Variants in GRAMD2B observed in about 807,000 individuals in gnomAD.
GRAMD2B encodes GRAM domain containing 2B.
Under a neutral mutation model 59.2 loss-of-function variants are expected in GRAMD2B, and 41 were observed. The observed-to-expected ratio is 0.69, with a 90% CI of 0.54 to 0.90. GRAMD2B has a LOEUF of 0.90. Ranked by LOEUF, GRAMD2B falls within the 40% of genes least tolerant of loss-of-function variation. The pLI, the probability that GRAMD2B is intolerant of heterozygous loss-of-function variation, is 0.00. For missense variants in GRAMD2B, 424 were observed against 500.5 expected (o/e 0.85, Z 1.46); for synonymous variants, 161 against 182.7 (o/e 0.88, Z 0.96).
At chr5:126,465,397 A>G (rs1214729051) in intron 1 of GRAMD2B, 29 bp from the exon 2 acceptor site, 1 of 1,613,568 alleles carries the variant, frequency 6.2e-7, no homozygotes. Flanking sequence ...CTGAATGTCT[A>G]AAGTGAAGCG....
At chr5:126,430,629 GA>G (rs1761403463) in intron 1 of GRAMD2B, among the ~76,000 whole-genome samples, 1 of 152,036 alleles carries the variant, frequency 6.6e-6, no homozygotes, top group Non-Finnish European at 1.5e-5. Flanking sequence ...TTGATTTAAA[GA>G]CAATTAGATT....
intron 1 of GRAMD2B, among the ~76,000 whole-genome samples, chr5:126,461,175 C>T (rs4836265): frequency 0.92 from 140,308 of 152,186 alleles, 65,332 homozygotes; most frequent in East Asian, 1. Context: ...ACTTATTTAC[C>T]TGGACTTGCA....
At chr5:126,361,164 T>G (rs895165954) in intron 1 of GRAMD2B, among the ~76,000 whole-genome samples, 93 of 152,346 alleles carry the variant, frequency 6.1e-4, no homozygotes, top group African/African-American at 2.1e-3. Flanking sequence ...AATAATCCTA[T>G]CTTCAAAGAA....
At chr5:126,363,196 T>C (rs1260782676) in intron 1 of GRAMD2B, among the ~76,000 whole-genome samples, 2 of 152,082 alleles carry the variant, frequency 1.3e-5, no homozygotes, top group Non-Finnish European at 2.9e-5. Context: ...AATACACAAA[T>C]GGCCAATAAG....
chr5:126,450,652 T>TAAAA (rs10544199), intron 1 of GRAMD2B, among the ~76,000 whole-genome samples: 1 of 96,050 alleles, frequency 1.0e-5, no homozygotes, highest in Non-Finnish European at 2.0e-5. Context: ...AGCCTGCTGT[T>TAAAA]AAAAAAAAAA....
intron 1 of GRAMD2B, among the ~76,000 whole-genome samples, chr5:126,409,713 T>A (rs1758599056): frequency 1.3e-5 from 2 of 152,218 alleles, no homozygotes; most frequent in South Asian, 4.1e-4. Flanking sequence ...TTTGTCAATT[T>A]TGGCTTTTGT....
intron 1 of GRAMD2B, among the ~76,000 whole-genome samples, chr5:126,450,863 A>C (rs1300114758): frequency 6.6e-6 from 1 of 152,202 alleles, no homozygotes; most frequent in African/African-American, 2.4e-5. Context: ...TAGATTTCAG[A>C]GGATATTTCA....
rs139507499 is a variant in GRAMD2B, at chr5:126,403,597, G to C, written c.125+32030G>C. ...AAAGTTTAGGCTCTAGGGGAAAAAA[G>C]AGCAGGGGGGAAAAAATTTTAACAG... On this transcript the variant is annotated intron_variant, in intron 1 of 8. Coordinates refer to the GRAMD2B transcript ENST00000506445. 1.5e-3 allele frequency among the ~76,000 whole-genome samples: 226 copies of C among 151,892 alleles called. 1 individual carries two copies. Among genetic ancestry groups the C allele is most frequent in the African/African-American group, 4.8e-3 (199 of 41,480 alleles).
At chr5:126,466,263 T>C in intron 2 of GRAMD2B, 4 of 1,550,678 alleles carry the variant, frequency 2.6e-6, no homozygotes, top group South Asian at 1.2e-5. Flanking sequence ...GATTATTAAC[T>C]CCGCTTTTTG....
At chr5:126,421,969 A>C, upstream of GRAMD2B, among the ~76,000 whole-genome samples, 2 of 152,350 alleles carry the variant, frequency 1.3e-5, no homozygotes, top group South Asian at 4.1e-4. Context: ...TACTGTTGCC[A>C]CTTGTAATTG....
upstream of GRAMD2B, among the ~76,000 whole-genome samples, chr5:126,368,067 T>C (rs1485062609): frequency 2.0e-5 from 3 of 152,360 alleles, no homozygotes; most frequent in Middle Eastern, 3.4e-3. Flanking sequence ...ACTTTCAACA[T>C]TATTTCTCAA....
chr5:126,419,484 A>T (rs943368975), upstream of GRAMD2B, among the ~76,000 whole-genome samples: 1 of 152,178 alleles, frequency 6.6e-6, no homozygotes, highest in Admixed American at 6.5e-5. Flanking sequence ...AACACTCGGG[A>T]TCCCAATTCA....
chr5:126,370,084 G>A (rs1437693727), upstream of GRAMD2B, among the ~76,000 whole-genome samples: 1 of 152,198 alleles, frequency 6.6e-6, no homozygotes, highest in African/African-American at 2.4e-5. Context: ...TGTAGCATGA[G>A]GGCGCTCAGC....
At chr5:126,420,954 C>T (rs1759668413), upstream of GRAMD2B, among the ~76,000 whole-genome samples, 1 of 152,080 alleles carries the variant, frequency 6.6e-6, no homozygotes, top group African/African-American at 2.4e-5. Flanking sequence ...ACCTTGAAAA[C>T]ATTACACTGA....
At chr5:126,412,098 T>C (rs1561490024) in intron 1 of GRAMD2B, among the ~76,000 whole-genome samples, 1 of 152,094 alleles carries the variant, frequency 6.6e-6, no homozygotes, top group East Asian at 1.9e-4. Context: ...GGATGCCTTT[T>C]ATTTCTTTCT....
intron 1 of GRAMD2B, among the ~76,000 whole-genome samples, chr5:126,396,026 G>A (rs1332500587): frequency 6.6e-6 from 1 of 152,018 alleles, no homozygotes; most frequent in Non-Finnish European, 1.5e-5. Flanking sequence ...CAGTGTAAAA[G>A]GGTTCCCTTT....
At chr5:126,408,670 G>A (rs1341907816) in intron 1 of GRAMD2B, among the ~76,000 whole-genome samples, 1 of 146,834 alleles carries the variant, frequency 6.8e-6, no homozygotes, top group Non-Finnish European at 1.5e-5. Context: ...AGAAGTCCTT[G>A]CAGCTTCTGC....
intron 1 of GRAMD2B, among the ~76,000 whole-genome samples, chr5:126,436,941 C>A (rs1762511191): frequency 6.6e-6 from 1 of 152,096 alleles, no homozygotes; most frequent in South Asian, 2.1e-4. Flanking sequence ...TGTGAAACAG[C>A]CAGGTGACTA....
rs549245143 is a variant in GRAMD2B at position 126,410,363 on chromosome 5, A to C, written c.125+38796A>C. Among the ~76,000 whole-genome samples, 15 of 151,264 alleles carry C rather than the reference A, an allele frequency of 9.9e-5. No homozygotes were observed. In the South Asian group the frequency reaches 3.0e-3, roughly 30 times the overall value. On this transcript the variant is annotated intron_variant, in intron 1 of 8. Transcript: ENST00000506445. ...ATTTCTTTGTATCCTCTTTTATTTC[A>C]TTGAGCAGTGGTTTGTAGTTCTCCT...
Sources: gnomAD v4.1 joint callset for allele counts (sites outside exome capture counted in the v4.1 genomes callset) on GRCh38, gnomAD v4.1.1 for gene constraint, MANE v1.5 for transcripts, NCBI Gene and HGNC (gene_info 2026-07-23, HGNC 2026-07-21) for gene names.